Variants in CPOX observed in about 807,000 individuals in gnomAD.
The protein encoded by CPOX is oxygen-dependent coproporphyrinogen-III oxidase, mitochondrial.
In CPOX, 24 loss-of-function variants were observed where a neutral mutation model predicts 48.9. The ratio of observed to expected loss-of-function variants is 0.49; its 90% CI spans 0.36 to 0.69. CPOX has a LOEUF of 0.69. CPOX is among the 30% of genes least tolerant of loss of function. The pLI is 0.00. For missense variants in CPOX, 549 were observed against 597.3 expected (o/e 0.92, Z 0.84); for synonymous variants, 249 against 234.6 (o/e 1.06, Z -0.56).
intron 3 of CPOX, among the ~76,000 whole-genome samples, 190 bp from the exon 4 acceptor site, chr3:98,589,044 G>A (rs1378138283): frequency 6.6e-6 from 1 of 152,230 alleles, no homozygotes; most frequent in African/African-American, 2.4e-5. Context: ...AAGCGGCCAG[G>A]CGAGGTGGCT....
Position 98,579,608 on chromosome 3 carries a change from G to C in CPOX, c.*1075C>G. On this transcript the variant is annotated 3_prime_UTR_variant, in exon 7 of 7. Coordinates refer to ENST00000647941, the MANE Select transcript of CPOX (RefSeq NM_000097.7). ...TGCTCTTCCTTATAAACTTTATTAC[G>C]AAGCAAATAAAATAATACATTCATA... is the stretch of plus-strand genomic sequence containing the variant. 1 of 983,936 alleles carries C rather than the reference G, an allele frequency of 1.0e-6. No homozygotes were observed. The highest frequency in any genetic ancestry group is 1.2e-6 in the Non-Finnish European group (1 of 828,666). The allele number at this position is 983,936 out of a possible 1,614,324, so 61.0% of individuals were successfully genotyped here.
At chr3:98,571,782 G>C in the CPOX span, among the ~76,000 whole-genome samples, 1 of 151,812 alleles carries the variant, frequency 6.6e-6, no homozygotes, top group African/African-American at 2.4e-5. Flanking sequence ...GTATTTCCTA[G>C]ATATGAGTAA....
chr3:98,576,566 C>T (rs1707165385), downstream of CPOX, among the ~76,000 whole-genome samples: 1 of 152,192 alleles, frequency 6.6e-6, no homozygotes, highest in Non-Finnish European at 1.5e-5. Context: ...GGAATTTAGT[C>T]AAGCCATTTA....
intron 3 of CPOX, 57 bp from the exon 4 acceptor site, chr3:98,588,911 CTA>C (rs921999005): frequency 6.3e-7 from 1 of 1,589,588 alleles, no homozygotes; most frequent in Non-Finnish European, 8.6e-7. Flanking sequence ...GCATTACTGG[CTA>C]TATTAGGACA....
At chr3:98,572,470 T>C in the CPOX span, among the ~76,000 whole-genome samples, 1 of 152,234 alleles carries the variant, frequency 6.6e-6, no homozygotes, top group Admixed American at 6.5e-5. Context: ...TTTAACAGTA[T>C]GTTATGAAAC....
downstream of CPOX, among the ~76,000 whole-genome samples, chr3:98,576,807 A>G (rs932947723): frequency 6.6e-6 from 1 of 152,192 alleles, no homozygotes. Flanking sequence ...AGACAGTTAT[A>G]CAGACAACTA....
At position 98,586,453 on chromosome 3, in the gene CPOX, T is replaced by G. The variant is rs540028457; in HGVS notation, c.954-794A>C. Among the ~76,000 whole-genome samples, 4 of 152,238 alleles carry G rather than the reference T, an allele frequency of 2.6e-5. No homozygotes were observed. The South Asian group carries it at 8.3e-4, about 32-fold the overall frequency. ...CTATAAACAATCTCTCAGGTCTCTT[T>G]CAGAAATAAAATTTGATGGTTCTAT... On this transcript the variant is annotated intron_variant, in intron 4 of 6. Coordinates refer to ENST00000647941, the MANE Select transcript of CPOX (RefSeq NM_000097.7).
In CPOX at chr3:98,588,013, C is replaced by T. The variant is rs945714149; in HGVS notation, c.953+700G>A. ...TATTCAAATGTTTCATCTTTCCTGA[C>T]GATTTTAAAGCTGAACTCCATACTC... is the stretch of plus-strand genomic sequence containing the variant. On this transcript the variant is annotated intron_variant, in intron 4 of 6. Coordinates refer to ENST00000647941, the MANE Select transcript of CPOX (RefSeq NM_000097.7). Among the ~76,000 whole-genome samples, 73 of 152,268 alleles carry T rather than the reference C, an allele frequency of 4.8e-4. 1 individual carries two copies. The highest frequency in any genetic ancestry group is 1.8e-3 in the African/African-American group (73 of 41,548).
downstream of CPOX, chr3:98,579,330 G>T: frequency 1.0e-5 from 2 of 191,108 alleles, no homozygotes; most frequent in Non-Finnish European, 1.9e-5. Flanking sequence ...ATTTGAAACT[G>T]CATGCAGTAA....
Position 98,593,305 on chromosome 3 carries a change from G to A in CPOX, c.200C>T (p.Thr67Met). 1 of 1,439,470 alleles carries A rather than the reference G, an allele frequency of 6.9e-7. No homozygotes were observed. Among genetic ancestry groups the A allele is most frequent in the Non-Finnish European group, 9.1e-7 (1 of 1,104,586 alleles). 89.2% of individuals were successfully genotyped at this position (1,439,470 alleles called of 1,614,324 possible). A position where few individuals can be genotyped will look rare whatever the true frequency, so the allele number is the denominator to read the frequency against. The change falls in exon 1 of 7, where the codon ACG becomes ATG. Residue 67 changes from threonine to methionine, a missense_variant. Thr to Met is a moderately conservative substitution (Grantham distance 81). This residue lies in a region of CPOX where 336 missense variants were observed against 318.1 expected (regional missense o/e 1.06). Coordinates refer to ENST00000647941, the MANE Select transcript of CPOX (RefSeq NM_000097.7). ...EQSRGLGHGS[T>M]SRGGPWVGTG... ...CCCCACCCAGGGGCCGCCTCTCGAC[G>A]TCGAGCCGTGCCCCAGCCCGCGGCT...
chr3:98,592,928 G>T lies in CPOX; in HGVS notation c.556+21C>A, dbSNP rs776596064. On this transcript the variant is annotated intron_variant, in intron 1 of 6. Transcript: ENST00000647941. ...CCCTTTTTCCCTGTCTCCAACTCCC[G>T]CCAGGGGCCGGCCTCCTTACCTTCC... 6 of 1,605,156 alleles carry T rather than the reference G, an allele frequency of 3.7e-6. No individual in the cohort carries two copies. In the African/African-American group the frequency reaches 6.7e-5, roughly 18 times the overall value.
downstream of CPOX, among the ~76,000 whole-genome samples, chr3:98,578,585 T>C (rs78666256): frequency 7.8e-3 from 1,189 of 152,338 alleles, 11 homozygotes; most frequent in African/African-American, 0.026. Flanking sequence ...AAATACTCTT[T>C]TGTCCCCTTT....
intron 5 of CPOX, among the ~76,000 whole-genome samples, chr3:98,582,893 C>T (rs530833604): frequency 6.6e-6 from 1 of 152,212 alleles, no homozygotes; most frequent in Non-Finnish European, 1.5e-5. Flanking sequence ...CTAACTCTCA[C>T]CATTTATCAT....
downstream of CPOX, among the ~76,000 whole-genome samples, chr3:98,575,858 A>C (rs945091751): frequency 1.3e-5 from 2 of 151,960 alleles, no homozygotes; most frequent in African/African-American, 4.8e-5. Flanking sequence ...ACCTGAGGTC[A>C]GGATTTCAAG....
At chr3:98,579,349 TG>T (rs148143224), downstream of CPOX, 2,843 of 319,228 alleles carry the variant, frequency 8.9e-3, 63 homozygotes, top group African/African-American at 0.053. Context: ...AAGGAGGAGT[TG>T]GGGCCCCTAG....
chr3:98,579,757 G>A lies in CPOX; in HGVS notation c.*926C>T, dbSNP rs1023195940. 36 of 984,538 alleles carry A rather than the reference G, an allele frequency of 3.7e-5. No individual in the cohort carries two copies. The African/African-American group carries it at 4.7e-4, about 13-fold the overall frequency. 61.0% of individuals were successfully genotyped at this position (984,538 alleles called of 1,614,324 possible). On this transcript the variant is annotated 3_prime_UTR_variant, in exon 7 of 7. Coordinates refer to ENST00000647941, the MANE Select transcript of CPOX (RefSeq NM_000097.7). Reference sequence around the variant, plus strand: ...CAATGTGTCCATTTTCCTAAGAAACGTGTGTATGAAATGCCTCCAAGTTTC... The same window carrying A: ...CAATGTGTCCATTTTCCTAAGAAACATGTGTATGAAATGCCTCCAAGTTTC...
In CPOX at chr3:98,588,852, T is replaced by G. The variant is rs1131857; in HGVS notation, c.814A>C (p.Asn272His). The G allele has an allele frequency of 0.15, 246,263 of 1,613,584 alleles. 23,301 individuals carry two copies. Among genetic ancestry groups the G allele is most frequent in the African/African-American group, 0.45 (33,733 of 74,912 alleles). ...RYFEVEEADG[N>H]KQWWFGGGCD... ...CCACCACCAAACCACCACTGCTTGT[T>G]GCCTACCAAATCAAGACATGGGATT... The change falls in exon 4 of 7, where the codon AAC becomes CAC. Residue 272 changes from asparagine to histidine, a missense_variant and splice_region_variant. Asn to His is a moderately conservative substitution (Grantham distance 68). Around this residue, in one of 2 missense-constraint regions of CPOX, gnomAD observed 213 missense variants for 279.1 expected, o/e 0.76. Transcript: ENST00000647941.
chr3:98,587,076 C>T (rs1707378685), intron 4 of CPOX, among the ~76,000 whole-genome samples: 1 of 152,112 alleles, frequency 6.6e-6, no homozygotes, highest in Non-Finnish European at 1.5e-5. Context: ...AATAGAAAAA[C>T]ATGCTCAAAC....
chr3:98,583,957 T>C (rs759118825), intron 5 of CPOX, among the ~76,000 whole-genome samples: 3 of 152,066 alleles, frequency 2.0e-5, no homozygotes, highest in Non-Finnish European at 2.9e-5. Flanking sequence ...CACCATACCA[T>C]AGAAAATTAA....
Sources: gnomAD v4.1 joint callset for allele counts (sites outside exome capture counted in the v4.1 genomes callset) on GRCh38, gnomAD v4.1.1 for gene constraint, gnomAD v4.1.1 regional missense constraint, MANE v1.5 for transcripts, NCBI Gene and HGNC (gene_info 2026-07-23, HGNC 2026-07-21) for gene names.